Variants in CLEC9A observed in about 807,000 individuals in gnomAD.
CLEC9A encodes the protein C-type lectin domain containing 9A.
CLEC9A carries 24 observed loss-of-function variants against 30.0 expected under a neutral mutation model. The ratio of observed to expected loss-of-function variants is 0.80; its 90% confidence interval spans 0.58 to 1.13. The LOEUF (loss-of-function observed/expected upper bound fraction) is 1.13, where lower values mean the gene tolerates loss of function less well. CLEC9A is among the 50% of genes most tolerant of loss of function. CLEC9A has a pLI of 0.00. For missense variants in CLEC9A, 251 were observed against 280.9 expected, an observed-to-expected ratio of 0.89 and a Z score of 0.76; for synonymous variants, 111 against 96.8, an observed-to-expected ratio of 1.15 and a Z score of -0.86.
At chr12:10,035,807 G>A (rs898492688) in intron 1 of CLEC9A, among the ~76,000 whole-genome samples, 9 of 152,260 alleles carry the variant, frequency 5.9e-5, no homozygotes, top group African/African-American at 2.2e-4. Context: ...GTTTCACCAT[G>A]TTGCACAAGG....
chr12:10,051,144 G>T (rs1865889436), intron 2 of CLEC9A, among the ~76,000 whole-genome samples: 1 of 151,738 alleles, frequency 6.6e-6, no homozygotes, highest in East Asian at 1.9e-4. Context: ...GGCAGAGGTT[G>T]CAGTGAGCCG....
intron 7 of CLEC9A, 85 bp downstream of exon 7, chr12:10,063,291 T>C (rs1799428021): frequency 8.1e-7 from 1 of 1,237,126 alleles, no homozygotes; most frequent in Non-Finnish European, 1.1e-6. Flanking sequence ...TAAGACAAAA[T>C]TCCTTAATAT....
At chr12:10,064,898 G>A in intron 8 of CLEC9A, 45 bp downstream of exon 8, 1 of 1,590,154 alleles carries the variant, frequency 6.3e-7, no homozygotes, top group Non-Finnish European at 8.5e-7. Context: ...AGAAACATGA[G>A]GGAATTCAAA....
intron 1 of CLEC9A, among the ~76,000 whole-genome samples, chr12:10,035,284 T>A (rs972283148): frequency 1.3e-5 from 2 of 152,106 alleles, no homozygotes; most frequent in Non-Finnish European, 2.9e-5. Flanking sequence ...AAATGCAACA[T>A]CTGGGCATGA....
At chr12:10,064,658 T>C in intron 7 of CLEC9A, 74 bp from the exon 8 acceptor site, 4 of 1,472,788 alleles carry the variant, frequency 2.7e-6, no homozygotes, top group Non-Finnish European at 3.7e-6. Flanking sequence ...CTAGGCAAAA[T>C]GTCACACTTT....
At chr12:10,042,867 T>A (rs1269014604) in intron 2 of CLEC9A, among the ~76,000 whole-genome samples, 1 of 152,236 alleles carries the variant, frequency 6.6e-6, no homozygotes, top group East Asian at 1.9e-4. Flanking sequence ...AATAATGTAT[T>A]TCTTTGTGTT....
chr12:10,065,647 A>G lies in CLEC9A; in HGVS notation c.*15A>G. 6.2e-7 allele frequency: 1 copy of G among 1,613,428 alleles called. No individual in the cohort carries two copies. The highest frequency in any genetic ancestry group is 1.3e-5 in the African/African-American group (1 of 74,992). Reference sequence around the variant, plus strand: ...CCTCTGTCTGAAAGAAATTGTGTTCAAAGTGTTCTATTACACTGTTATTTG... The same window carrying G: ...CCTCTGTCTGAAAGAAATTGTGTTCGAAGTGTTCTATTACACTGTTATTTG... On this transcript the variant is annotated 3_prime_UTR_variant, in exon 9 of 9. Transcript: ENST00000355819.
intron 7 of CLEC9A, among the ~76,000 whole-genome samples, chr12:10,064,124 A>C (rs1866021704): frequency 6.6e-6 from 1 of 152,240 alleles, no homozygotes; most frequent in Non-Finnish European, 1.5e-5. Context: ...GGCCCTATAA[A>C]AAATGTATAC....
chr12:10,056,058 CAAAAAAAAAAAA>C (rs58274495), intron 5 of CLEC9A, among the ~76,000 whole-genome samples: 3 of 47,524 alleles, frequency 6.3e-5, no homozygotes, highest in Non-Finnish European at 1.0e-4. Context: ...GACTCTGTCT[CAAAAAAAAAAAA>C]AAAAAAAAAA....
chr12:10,048,234 C>A (rs1299473222), intron 2 of CLEC9A, among the ~76,000 whole-genome samples: 1 of 132,454 alleles, frequency 7.5e-6, no homozygotes, highest in Non-Finnish European at 1.6e-5. Context: ...AGCGAGACTC[C>A]GTCTCAAAAA....
chr12:10,041,632 C>T lies in CLEC9A; in HGVS notation c.-163+12C>T. ...ACCAGAACATTCTGGTAAGAAGATT[C>T]TTATGTCAAATATTTTGGAGGCAAG... is the stretch of plus-strand genomic sequence containing the variant. On this transcript the variant is annotated intron_variant, in intron 2 of 8. Coordinates refer to ENST00000355819, the MANE Select transcript of CLEC9A (RefSeq NM_207345.4). The T allele has an allele frequency of 1.9e-6, 1 of 529,436 alleles. No homozygotes were observed. The highest frequency in any genetic ancestry group is 3.8e-6 in the Non-Finnish European group (1 of 262,038). The allele number at this position is 529,436 out of a possible 1,614,324, so 32.8% of individuals were successfully genotyped here.
intron 2 of CLEC9A, among the ~76,000 whole-genome samples, chr12:10,048,354 G>C (rs924982752): frequency 5.3e-5 from 7 of 131,498 alleles, no homozygotes; most frequent in Non-Finnish European, 7.9e-5. Context: ...CCTGGTGACA[G>C]AGTGAGATTC....
intron 2 of CLEC9A, among the ~76,000 whole-genome samples, chr12:10,045,884 T>G (rs140175965): frequency 7.2e-5 from 11 of 152,342 alleles, no homozygotes; most frequent in African/African-American, 2.4e-4. Context: ...TAATTTCTAA[T>G]TACCTGAATA....
At chr12:10,032,129 C>T (rs151036593) in intron 1 of CLEC9A, among the ~76,000 whole-genome samples, 1 of 152,310 alleles carries the variant, frequency 6.6e-6, no homozygotes, top group East Asian at 1.9e-4. Context: ...TGTGGAGCAA[C>T]AGGAGCATTC....
intron 7 of CLEC9A, 148 bp from the exon 8 acceptor site, chr12:10,064,584 C>T (rs1437882632): frequency 3.2e-5 from 25 of 771,514 alleles, no homozygotes; most frequent in African/African-American, 3.6e-5. Context: ...AAAAATGTAT[C>T]GGCACTTTTT....
At chr12:10,050,948 T>C (rs975721120) in intron 2 of CLEC9A, among the ~76,000 whole-genome samples, 1 of 152,210 alleles carries the variant, frequency 6.6e-6, no homozygotes, top group Admixed American at 6.5e-5. Flanking sequence ...TTCACGCTTA[T>C]AATCCCAGCA....
intron 1 of CLEC9A, among the ~76,000 whole-genome samples, chr12:10,032,834 T>G (rs1017835050): frequency 1.3e-5 from 2 of 152,214 alleles, no homozygotes. Flanking sequence ...AGCCATCTTT[T>G]GTTTACCATG....
At chr12:10,064,396 C>T (rs1421035739) in intron 7 of CLEC9A, among the ~76,000 whole-genome samples, 1 of 152,142 alleles carries the variant, frequency 6.6e-6, no homozygotes, top group East Asian at 1.9e-4. Flanking sequence ...TCTATGTGGT[C>T]TATGATGTCA....
rs752754958 is a variant in CLEC9A, at chr12:10,064,783, G to C, written c.523G>C (p.Val175Leu). 6.2e-7 allele frequency: 1 copy of C among 1,613,690 alleles called. No individual in the cohort carries two copies. The highest frequency in any genetic ancestry group is 8.5e-7 in the Non-Finnish European group (1 of 1,179,762). Residue 175 changes from valine to leucine, a missense_variant, in exon 8 of 9, where the codon GTG becomes CTG. Coordinates refer to ENST00000355819, the MANE Select transcript of CLEC9A (RefSeq NM_207345.4). ...GATTAAAGGAAGCTATGATTACTGG[G>C]TGGGGTTGTCTCAGGATGGACACAG... ...RKIKGSYDYW[V>L]GLSQDGHSGR...
Sources: allele counts gnomAD v4.1 joint callset (sites outside exome capture counted in the v4.1 genomes callset), GRCh38; gene constraint gnomAD v4.1.1; transcripts MANE v1.5; gene names NCBI Gene and HGNC (gene_info 2026-07-23, HGNC 2026-07-21).